Variants in ATXN1 observed in about 807,000 individuals in gnomAD.
ATXN1 encodes ataxin-1.
ATXN1 carries 8 observed loss-of-function variants against 56.4 expected under a neutral mutation model. That is an observed-to-expected ratio of 0.14 (90% CI 0.08 to 0.26). The LOEUF (loss-of-function observed/expected upper bound fraction) is 0.26, where lower values mean the gene tolerates loss of function less well. Among genes scored for constraint, ATXN1 ranks in the 10% least tolerant of loss-of-function variants. The probability of loss-of-function intolerance (pLI) is 1.00; values close to 1 mark genes in which losing one functional copy is unlikely to be tolerated. For synonymous variants in ATXN1, 514 were observed against 494.6 expected, an observed-to-expected ratio of 1.04 and a Z score of -0.52; for missense variants, 987 against 1,106.5, an observed-to-expected ratio of 0.89 and a Z score of 1.53.
chr6:16,439,927 T>G (rs890520926), intron 6 of ATXN1, among the ~76,000 whole-genome samples: 2 of 151,218 alleles, frequency 1.3e-5, no homozygotes, highest in Non-Finnish European at 2.9e-5. Flanking sequence ...ATACAAAAAT[T>G]AGGTGGGTGT....
chr6:16,753,036 AATAG>A (rs1760770617), intron 2 of ATXN1, 193 bp downstream of exon 2: 4 of 346,998 alleles, frequency 1.2e-5, no homozygotes, highest in Non-Finnish European at 2.3e-5. Flanking sequence ...GATTAAACCA[AATAG>A]ATAGATACTT....
intron 6 of ATXN1, among the ~76,000 whole-genome samples, chr6:16,403,022 A>T (rs537431600): frequency 6.6e-6 from 1 of 152,280 alleles, no homozygotes; most frequent in Non-Finnish European, 1.5e-5. Flanking sequence ...AACTCTCTTA[A>T]AACAGCGCTT....
intron 2 of ATXN1, among the ~76,000 whole-genome samples, chr6:16,731,880 T>C (rs1255782163): frequency 6.6e-6 from 1 of 152,138 alleles, no homozygotes; most frequent in Non-Finnish European, 1.5e-5. Context: ...CCTGTGCTAT[T>C]TAAAGCACCC....
chr6:16,561,091 T>C (rs1298868046), intron 4 of ATXN1, among the ~76,000 whole-genome samples: 1 of 152,106 alleles, frequency 6.6e-6, no homozygotes, highest in Non-Finnish European at 1.5e-5. Flanking sequence ...AAATATTCTA[T>C]AAAAGTCAGG....
At chr6:16,424,785 C>T (rs921931318) in intron 6 of ATXN1, among the ~76,000 whole-genome samples, 1 of 152,200 alleles carries the variant, frequency 6.6e-6, no homozygotes, top group Non-Finnish European at 1.5e-5. Context: ...AATGTGGGTG[C>T]TCCATGACTC....
At chr6:16,491,090 AT>A (rs35884389) in intron 5 of ATXN1, among the ~76,000 whole-genome samples, 201 of 78,300 alleles carry the variant, frequency 2.6e-3, no homozygotes, top group African/African-American at 2.9e-3. Context: ...GGATCCCTGG[AT>A]TTTTTTTTTT....
At chr6:16,491,000 C>G (rs1232170454) in intron 5 of ATXN1, among the ~76,000 whole-genome samples, 1 of 150,856 alleles carries the variant, frequency 6.6e-6, no homozygotes, top group Non-Finnish European at 1.5e-5. Context: ...CTTCCCAGTA[C>G]AGAGAAAAGC....
At chr6:16,391,935 C>G (rs1381500186) in intron 6 of ATXN1, among the ~76,000 whole-genome samples, 1 of 152,186 alleles carries the variant, frequency 6.6e-6, no homozygotes, top group African/African-American at 2.4e-5. Flanking sequence ...CTACGGTCTC[C>G]TTTACTGTAG....
Position 16,328,154 on chromosome 6 carries a change from G to A in ATXN1, c.157C>T (p.Arg53Trp), listed in dbSNP as rs779170808. The change falls in exon 7 of 8, where the codon CGG becomes TGG. Residue 53 changes from arginine (R) to tryptophan (W), a missense_variant. Around this residue, in one of 3 missense-constraint regions of ATXN1, gnomAD observed 723 missense variants for 791.7 expected, o/e 0.91. Coordinates refer to ENST00000436367, the MANE Select transcript of ATXN1 (RefSeq NM_001128164.2). The surrounding 1 kb of genome is among the most constrained non-coding windows in gnomAD (Gnocchi z 6.2). ...TAWLPGNPGG[R>W]GHGGGRHGPA... Reference sequence around the variant, plus strand: ...CCATGCCTCCCGCCCCCGTGGCCCCGGCCACCAGGGTTGCCCGGGAGCCAT... The same window carrying A: ...CCATGCCTCCCGCCCCCGTGGCCCCAGCCACCAGGGTTGCCCGGGAGCCAT... 15 of 1,583,850 alleles carry A rather than the reference G, an allele frequency of 9.5e-6. No homozygotes were observed. In the East Asian group the frequency reaches 1.1e-4, roughly 12 times the overall value.
intron 2 of ATXN1, among the ~76,000 whole-genome samples, chr6:16,735,108 C>T (rs1392629752): frequency 6.6e-6 from 1 of 152,122 alleles, no homozygotes. Context: ...AGCACAGGGT[C>T]TAAGGTTAAA....
intron 2 of ATXN1, 142 bp from the exon 3 acceptor site, chr6:16,658,043 G>A (rs1758241888): frequency 6.6e-6 from 1 of 152,084 alleles, no homozygotes; most frequent in South Asian, 2.1e-4. Flanking sequence ...TCAGGATGAA[G>A]CCATCTCACT....
At position 16,390,680 on chromosome 6, in the gene ATXN1, T is replaced by TACACACACACACACACACA. The variant is rs60238072; in HGVS notation, c.-160-62211_-160-62210insTGTGTGTGTGTGTGTGTGT. Among the ~76,000 whole-genome samples the TACACACACACACACACACA allele has an allele frequency of 3.2e-3, 466 of 147,262 alleles. 3 individuals are homozygous for TACACACACACACACACACA. The highest frequency in any genetic ancestry group is 0.011 in the African/African-American group (423 of 40,164). On this transcript the variant is annotated intron_variant, in intron 6 of 7. Coordinates refer to ENST00000436367, the MANE Select transcript of ATXN1 (RefSeq NM_001128164.2). ...AGATTCAAGGAGTCAAATAAACACA[T>TACACACACACACACACACA]CACACACACACACACACACACACAC...
At chr6:16,676,250 G>C (rs559339724) in intron 2 of ATXN1, among the ~76,000 whole-genome samples, 1 of 152,288 alleles carries the variant, frequency 6.6e-6, no homozygotes, top group East Asian at 1.9e-4. Context: ...TAGTCAAGAA[G>C]AGCAAAAGAA....
chr6:16,391,690 A>C (rs1342364845), intron 6 of ATXN1, among the ~76,000 whole-genome samples: 1 of 152,190 alleles, frequency 6.6e-6, no homozygotes, highest in Non-Finnish European at 1.5e-5. Flanking sequence ...TGGCTCTGGA[A>C]GGCAGCGGAA....
At chr6:16,426,525 A>T (rs1759157713) in intron 6 of ATXN1, among the ~76,000 whole-genome samples, 1 of 152,092 alleles carries the variant, frequency 6.6e-6, no homozygotes, top group Non-Finnish European at 1.5e-5. Flanking sequence ...CCAAGGAGTA[A>T]AAGCGCCAAG....
intron 6 of ATXN1, among the ~76,000 whole-genome samples, chr6:16,474,204 G>C (rs1410190140): frequency 6.6e-6 from 1 of 152,234 alleles, no homozygotes; most frequent in Non-Finnish European, 1.5e-5. Context: ...TAGAGCTGGA[G>C]TTTCCCCATC....
intron 2 of ATXN1, among the ~76,000 whole-genome samples, chr6:16,745,952 G>GTGTGTA (rs1760521466): frequency 1.3e-5 from 2 of 150,880 alleles, no homozygotes; most frequent in South Asian, 2.1e-4. Context: ...GTGTGTGTGT[G>GTGTGTA]TGTGTGTGTG....
intron 3 of ATXN1, among the ~76,000 whole-genome samples, chr6:16,608,372 ACCCTCTGCC>A (rs367587360): frequency 6.6e-6 from 1 of 152,302 alleles, no homozygotes; most frequent in Non-Finnish European, 1.5e-5. Context: ...CCTATGACCT[ACCCTCTGCC>A]CATGCACACT....
At chr6:16,546,241 GC>G (rs1420349709) in intron 4 of ATXN1, among the ~76,000 whole-genome samples, 2 of 152,178 alleles carry the variant, frequency 1.3e-5, no homozygotes, top group African/African-American at 4.8e-5. Context: ...ACAAACCATG[GC>G]TGATTGTGTC....
Sources: gnomAD v4.1 joint callset for allele counts (sites outside exome capture counted in the v4.1 genomes callset) on GRCh38, gnomAD v4.1.1 for gene constraint, gnomAD v4.1.1 regional missense constraint, Gnocchi (gnomAD v3.1) non-coding constraint, MANE v1.5 for transcripts, NCBI Gene and HGNC (gene_info 2026-07-23, HGNC 2026-07-21) for gene names.